The following UBE2N variants were observed in gnomAD, a reference collection of about 807,000 sequenced individuals.
UBE2N encodes ubiquitin conjugating enzyme E2 N.
For synonymous variants in UBE2N, 70 were observed against 69.2 expected (o/e 1.01, Z -0.06); for missense variants, 60 against 192.1 (o/e 0.31, Z 4.07).
At chr12:93,439,209 G>A (rs1473849573) in intron 1 of UBE2N, among the ~76,000 whole-genome samples, 1 of 152,204 alleles carries the variant, frequency 6.6e-6, no homozygotes, top group Non-Finnish European at 1.5e-5. Flanking sequence ...AGGTCAGGCG[G>A]GGCACAGTGG....
chr12:93,430,235 G>A (rs1283442407), intron 1 of UBE2N, among the ~76,000 whole-genome samples: 1 of 152,110 alleles, frequency 6.6e-6, no homozygotes, highest in Non-Finnish European at 1.5e-5. Context: ...ATATTAAACA[G>A]GTTTGTAGCC....
chr12:93,435,764 A>C (rs1284619856), intron 1 of UBE2N, among the ~76,000 whole-genome samples: 2 of 152,262 alleles, frequency 1.3e-5, no homozygotes, highest in African/African-American at 4.8e-5. Flanking sequence ...CCTATTAAAA[A>C]AGTAAACTCA....
At position 93,441,923 on chromosome 12, in the gene UBE2N, G is replaced by GGCTCCTCTCGCCTCAC; in HGVS notation, c.-55_-40dup. 2 of 1,559,090 alleles carry GGCTCCTCTCGCCTCAC rather than the reference G, an allele frequency of 1.3e-6. No homozygotes were observed. The highest frequency in any genetic ancestry group is 2.4e-5 in the South Asian group (2 of 85,076). ...GAGTTCGGCCTCTGGTCTCGTCTCC[G>GGCTCCTCTCGCCTCAC]GCTCCTCTCGCCTCACGCACGAGTG... On this transcript the variant is annotated 5_prime_UTR_variant, in exon 1 of 4. Coordinates refer to ENST00000318066, the MANE Select transcript of UBE2N (RefSeq NM_003348.4).
chr12:93,437,871 G>A (rs1182503829), intron 1 of UBE2N, among the ~76,000 whole-genome samples: 2 of 152,172 alleles, frequency 1.3e-5, no homozygotes, highest in African/African-American at 4.8e-5. Flanking sequence ...GATTCTCTAC[G>A]TATCCTTCAG....
In UBE2N at chr12:93,407,425, G is replaced by C. The variant is rs987866196; in HGVS notation, c.*2614C>G. On this transcript the variant is annotated 3_prime_UTR_variant, in exon 4 of 4. Transcript: ENST00000318066. The stretch of plus-strand genomic sequence containing the variant: ...TGGGCAAACATGAAACACTTTTGTT[G>C]AATAATGTGTTTCCTTTAGCCCAGG... 2.6e-5 allele frequency: 4 copies of C among 152,204 alleles called. No individual in the cohort carries two copies. The highest frequency in any genetic ancestry group is 9.7e-5 in the African/African-American group (4 of 41,436). The allele number at this position is 152,204 out of a possible 1,614,324, so 9.4% of individuals were successfully genotyped here.
chr12:93,421,376 G>A (rs1478086804), intron 1 of UBE2N, among the ~76,000 whole-genome samples: 3 of 152,024 alleles, frequency 2.0e-5, no homozygotes, highest in South Asian at 2.1e-4. Flanking sequence ...TAAATTTTTT[G>A]TATTTTTAGT....
In UBE2N at chr12:93,408,794, A is replaced by G. The variant is rs1877942780; in HGVS notation, c.*1245T>C. The G allele has an allele frequency of 6.6e-6, 1 of 152,424 alleles. No homozygotes were observed. The allele number at this position is 152,424 out of a possible 1,614,324, so 9.4% of individuals were successfully genotyped here. ...GGATAAACCTTTCTGATGACACACAAGCTAGATAGTTGAGATCTGCTCATC... is the reference window on the plus strand; with the variant it reads ...GGATAAACCTTTCTGATGACACACAGGCTAGATAGTTGAGATCTGCTCATC... On this transcript the variant is annotated 3_prime_UTR_variant, in exon 4 of 4. Transcript: ENST00000318066.
intron 1 of UBE2N, chr12:93,441,090 C>T (rs1253711278): frequency 6.5e-6 from 1 of 153,000 alleles, no homozygotes; most frequent in African/African-American, 2.4e-5. Flanking sequence ...CGGCCCTCCC[C>T]CAGCCTTGTG....
chr12:93,425,700 G>A (rs1276217996), intron 1 of UBE2N, among the ~76,000 whole-genome samples: 1 of 152,144 alleles, frequency 6.6e-6, no homozygotes, highest in Non-Finnish European at 1.5e-5. Flanking sequence ...AAGAGCAGGA[G>A]TATGCAGAAA....
chr12:93,429,793 T>C (rs762675825), intron 1 of UBE2N, among the ~76,000 whole-genome samples: 9 of 151,996 alleles, frequency 5.9e-5, no homozygotes, highest in Non-Finnish European at 8.8e-5. Flanking sequence ...TTAAAAAAGA[T>C]TGTAAGAGAA....
intron 1 of UBE2N, among the ~76,000 whole-genome samples, chr12:93,432,693 C>A (rs1738634945): frequency 6.6e-6 from 1 of 151,854 alleles, no homozygotes; most frequent in South Asian, 2.1e-4. Context: ...ATTAACCAAA[C>A]TGACAGAGAC....
rs1174620368 is a variant in UBE2N at position 93,405,826 on chromosome 12, A to AT, written c.*4212dup. The stretch of plus-strand genomic sequence containing the variant: ...GTGGCATGCCAAGTAGCTAAATGAA[A>AT]TATCATCCCAGCCCAAAAGTACTTA... On this transcript the variant is annotated 3_prime_UTR_variant, in exon 4 of 4. Coordinates refer to ENST00000318066, the MANE Select transcript of UBE2N (RefSeq NM_003348.4). 1 of 152,212 alleles carries AT rather than the reference A, an allele frequency of 6.6e-6. No individual in the cohort carries two copies. Among genetic ancestry groups the AT allele is most frequent in the African/African-American group, 2.4e-5 (1 of 41,448 alleles). 9.4% of individuals were successfully genotyped at this position (152,212 alleles called of 1,614,324 possible).
Position 93,408,658 on chromosome 12 carries a change from T to A in UBE2N, c.*1381A>T, listed in dbSNP as rs1202207215. The A allele has an allele frequency of 6.6e-6, 1 of 152,060 alleles. No homozygotes were observed. The highest frequency in any genetic ancestry group is 1.5e-5 in the Non-Finnish European group (1 of 67,996). 9.4% of individuals were successfully genotyped at this position (152,060 alleles called of 1,614,324 possible). On this transcript the variant is annotated 3_prime_UTR_variant, in exon 4 of 4. Transcript: ENST00000318066. Reference sequence around the variant, plus strand: ...TTTTGTGAGGGGAGGAATTCGTCAATAAAGAAGAAAAATTACTGAATTCCA... The same window carrying A: ...TTTTGTGAGGGGAGGAATTCGTCAAAAAAGAAGAAAAATTACTGAATTCCA...
intron 1 of UBE2N, among the ~76,000 whole-genome samples, chr12:93,428,345 T>C (rs1259510750): frequency 2.6e-5 from 4 of 152,228 alleles, no homozygotes; most frequent in Admixed American, 6.5e-5. Flanking sequence ...TGACTCAAGT[T>C]ACACAGTCTT....
intron 1 of UBE2N, among the ~76,000 whole-genome samples, chr12:93,435,290 T>C (rs1286767227): frequency 6.6e-6 from 1 of 151,978 alleles, no homozygotes. Context: ...CTGACCAACA[T>C]GGTGAAACCC....
At chr12:93,420,453 G>A (rs1282436347) in intron 1 of UBE2N, among the ~76,000 whole-genome samples, 3 of 152,102 alleles carry the variant, frequency 2.0e-5, no homozygotes, top group African/African-American at 7.2e-5. Context: ...GTCTGAATTA[G>A]TCTAAAAGTT....
At chr12:93,418,509 C>G (rs377041393) in intron 1 of UBE2N, among the ~76,000 whole-genome samples, 1 of 134,690 alleles carries the variant, frequency 7.4e-6, no homozygotes, top group African/African-American at 3.9e-5. Context: ...CATATAATGT[C>G]TCATTATAGT....
intron 1 of UBE2N, among the ~76,000 whole-genome samples, chr12:93,431,579 C>T (rs150758216): frequency 8.4e-4 from 128 of 152,248 alleles, no homozygotes; most frequent in African/African-American, 3.0e-3. Flanking sequence ...GCCTGGTACA[C>T]GATGCCAATG....
intron 1 of UBE2N, among the ~76,000 whole-genome samples, chr12:93,418,206 TA>T (rs1878282547): frequency 6.6e-6 from 1 of 151,860 alleles, no homozygotes; most frequent in Non-Finnish European, 1.5e-5. Flanking sequence ...ACCAAAAAAC[TA>T]AAAAAATTAG....
Sources: allele counts gnomAD v4.1 joint callset (sites outside exome capture counted in the v4.1 genomes callset), GRCh38; gene constraint gnomAD v4.1.1; transcripts MANE v1.5; gene names NCBI Gene and HGNC (gene_info 2026-07-23, HGNC 2026-07-21).